LRRC4C: variants seen among roughly 807,000 people sequenced by gnomAD.
The protein encoded by LRRC4C is leucine rich repeat containing 4C.
Under a neutral mutation model 33.6 loss-of-function variants are expected in LRRC4C, and 5 were observed. The observed-to-expected ratio is 0.15, with a 90% CI of 0.08 to 0.31. The LOEUF (loss-of-function observed/expected upper bound fraction) is 0.31, where lower values mean the gene tolerates loss of function less well. Among genes scored for constraint, LRRC4C ranks in the 10% least tolerant of loss-of-function variants. LRRC4C has a pLI of 1.00. For synonymous variants in LRRC4C, 329 were observed against 302.0 expected (o/e 1.09, Z -0.93); for missense variants, 560 against 796.7 (o/e 0.70, Z 3.58).
intron 1 of LRRC4C, among the ~76,000 whole-genome samples, chr11:41,004,559 C>A (rs946797434): frequency 6.6e-6 from 1 of 152,174 alleles, no homozygotes; most frequent in Non-Finnish European, 1.5e-5. Context: ...ACGTATGTAA[C>A]TATCTCTTTT....
chr11:40,639,986 T>A (rs1331119802), intron 3 of LRRC4C, among the ~76,000 whole-genome samples: 1 of 152,136 alleles, frequency 6.6e-6, no homozygotes, highest in Non-Finnish European at 1.5e-5. Flanking sequence ...AAATTATGTT[T>A]GATAAGTTGG....
chr11:41,048,542 C>T (rs1021294866), intron 1 of LRRC4C, among the ~76,000 whole-genome samples: 8 of 152,048 alleles, frequency 5.3e-5, no homozygotes, highest in Admixed American at 2.6e-4. Context: ...GGATTACAGG[C>T]GTGAGCCACT....
chr11:40,906,263 C>T (rs1469295824), intron 2 of LRRC4C, among the ~76,000 whole-genome samples: 3 of 152,214 alleles, frequency 2.0e-5, no homozygotes, highest in Non-Finnish European at 2.9e-5. Flanking sequence ...GTGCTCCCTG[C>T]GCTTTGGGAG....
At chr11:40,198,677 G>A (rs1862465240) in intron 5 of LRRC4C, among the ~76,000 whole-genome samples, 1 of 152,148 alleles carries the variant, frequency 6.6e-6, no homozygotes, top group Admixed American at 6.5e-5. Flanking sequence ...AGGCCTTTCT[G>A]GATCTGAGAT....
At chr11:40,430,271 T>A (rs1950870147) in intron 3 of LRRC4C, among the ~76,000 whole-genome samples, 1 of 147,790 alleles carries the variant, frequency 6.8e-6, no homozygotes, top group African/African-American at 2.5e-5. Context: ...ATGGGGGGGG[T>A]TGCTCTAGGA....
chr11:41,322,953 G>A (rs765159276), intron 1 of LRRC4C, among the ~76,000 whole-genome samples: 1 of 152,002 alleles, frequency 6.6e-6, no homozygotes, highest in Admixed American at 6.6e-5. Flanking sequence ...ATTAACCAAA[G>A]AACATTACAT....
intron 3 of LRRC4C, among the ~76,000 whole-genome samples, chr11:40,372,263 G>T (rs1948482558): frequency 6.6e-6 from 1 of 152,140 alleles, no homozygotes. Context: ...TCTCTGGACG[G>T]CAGCATCAAG....
intron 2 of LRRC4C, among the ~76,000 whole-genome samples, chr11:40,796,676 T>G (rs942992780): frequency 3.4e-4 from 50 of 147,932 alleles, no homozygotes; most frequent in Non-Finnish European, 7.3e-4. Flanking sequence ...AGACAGAGTC[T>G]TGTTGTGTCC....
chr11:40,452,372 A>T (rs199502849), intron 3 of LRRC4C, among the ~76,000 whole-genome samples: 85 of 152,366 alleles, frequency 5.6e-4, no homozygotes, highest in Admixed American at 1.9e-3. Flanking sequence ...TGGGTGAAGG[A>T]TATGAACAGA....
chr11:41,426,803 C>T (rs1955058171), intron 1 of LRRC4C, among the ~76,000 whole-genome samples: 1 of 152,132 alleles, frequency 6.6e-6, no homozygotes, highest in Admixed American at 6.6e-5. Context: ...GTCAGCTAGA[C>T]ACTGCTGGGG....
At chr11:40,721,025 A>T (rs992223526) in intron 2 of LRRC4C, among the ~76,000 whole-genome samples, 10 of 152,316 alleles carry the variant, frequency 6.6e-5, no homozygotes, top group Admixed American at 4.6e-4. Context: ...ATTTCTTTCT[A>T]TACTTACTAT....
intron 1 of LRRC4C, among the ~76,000 whole-genome samples, chr11:41,216,763 T>C (rs916993329): frequency 2.0e-5 from 3 of 152,186 alleles, no homozygotes; most frequent in Admixed American, 2.0e-4. Context: ...CACTGACAAG[T>C]ATGAGAAAAG....
At chr11:40,936,336 G>GTTTTTTT (rs34468606) in intron 1 of LRRC4C, among the ~76,000 whole-genome samples, 1 of 112,722 alleles carries the variant, frequency 8.9e-6, no homozygotes, top group Non-Finnish European at 1.8e-5. Context: ...TCTAACACTT[G>GTTTTTTT]TTTTTTTTTT....
chr11:40,245,736 A>T (rs1242721029), intron 4 of LRRC4C, among the ~76,000 whole-genome samples: 5 of 152,160 alleles, frequency 3.3e-5, no homozygotes, highest in Non-Finnish European at 4.4e-5. Context: ...TACTTGTAGA[A>T]TATAGATAAC....
chr11:40,187,991 A>C (rs145210787), intron 5 of LRRC4C, among the ~76,000 whole-genome samples: 29 of 152,302 alleles, frequency 1.9e-4, no homozygotes, highest in African/African-American at 6.7e-4. Context: ...AGGGATATTA[A>C]TTTAAGGGAA....
At chr11:40,344,942 A>T (rs752745011) in intron 3 of LRRC4C, among the ~76,000 whole-genome samples, 28 of 152,178 alleles carry the variant, frequency 1.8e-4, no homozygotes, top group Non-Finnish European at 3.1e-4. Flanking sequence ...AATACAGCTA[A>T]CCAGGGAGAT....
chr11:41,152,764 G>C (rs1483913787), intron 1 of LRRC4C, among the ~76,000 whole-genome samples: 1 of 152,138 alleles, frequency 6.6e-6, no homozygotes, highest in Non-Finnish European at 1.5e-5. Flanking sequence ...TACAGAATTA[G>C]AGAAGTGACC....
intron 1 of LRRC4C, among the ~76,000 whole-genome samples, chr11:41,107,112 G>A (rs1209353388): frequency 6.8e-6 from 1 of 147,664 alleles, no homozygotes; most frequent in Non-Finnish European, 1.5e-5. Flanking sequence ...TACCAGTTGA[G>A]CATCCCCAAA....
chr11:41,022,269 G>T (rs1263833619), intron 1 of LRRC4C, among the ~76,000 whole-genome samples: 5 of 149,556 alleles, frequency 3.3e-5, no homozygotes, highest in Non-Finnish European at 7.4e-5. Context: ...ATTAACATTG[G>T]TTGACATTAG....
Sources: allele counts gnomAD v4.1 joint callset (sites outside exome capture counted in the v4.1 genomes callset), GRCh38; gene constraint gnomAD v4.1.1; transcripts MANE v1.5; gene names NCBI Gene and HGNC (gene_info 2026-07-23, HGNC 2026-07-21).